The following TANC1 variants were observed in gnomAD, a reference collection of about 807,000 sequenced individuals.
TANC1 encodes tetratricopeptide repeat, ankyrin repeat and coiled-coil containing 1.
In TANC1, 77 loss-of-function variants were observed where a neutral mutation model predicts 149.7. That is an observed-to-expected ratio of 0.51 (90% confidence interval 0.43 to 0.62). The LOEUF (loss-of-function observed/expected upper bound fraction) is 0.62, where lower values mean the gene tolerates loss of function less well. Among genes scored for constraint, TANC1 ranks in the 20% least tolerant of loss-of-function variants. The pLI is 0.00. For synonymous variants in TANC1, 854 were observed against 925.0 expected (o/e 0.92, Z 1.39); for missense variants, 1,985 against 2,321.8 (o/e 0.85, Z 2.98).
intron 19 of TANC1, among the ~76,000 whole-genome samples, chr2:159,206,397 G>A (rs537913500): frequency 2.0e-5 from 3 of 152,162 alleles, no homozygotes; most frequent in South Asian, 2.1e-4. Flanking sequence ...GGTGGGTTCC[G>A]GAGACCACTC....
At chr2:158,974,949 A>G (rs1367984731) in intron 1 of TANC1, among the ~76,000 whole-genome samples, 4 of 109,644 alleles carry the variant, frequency 3.6e-5, no homozygotes, top group African/African-American at 1.5e-4. Flanking sequence ...GGGTCTTACT[A>G]TGAGACCAGA....
chr2:159,166,978 C>A (rs1220280163), intron 8 of TANC1, among the ~76,000 whole-genome samples: 1 of 152,162 alleles, frequency 6.6e-6, no homozygotes, highest in Non-Finnish European at 1.5e-5. Flanking sequence ...GAAAACAGGC[C>A]TGTGGAATCT....
At chr2:159,215,984 C>T (rs1187658177) in intron 19 of TANC1, among the ~76,000 whole-genome samples, 1 of 152,150 alleles carries the variant, frequency 6.6e-6, no homozygotes, top group African/African-American at 2.4e-5. Flanking sequence ...TTCTGGTACA[C>T]CTTGAGAGTG....
rs10602195 is a variant in TANC1, at chr2:158,981,491, TTATATATATATATATATATA to T, written c.-126+12742_-126+12761del. Among the ~76,000 whole-genome samples, 161 of 34,352 alleles carry T rather than the reference TTATATATATATATATATATA, an allele frequency of 4.7e-3. 5 individuals carry two copies. Among genetic ancestry groups the T allele is most frequent in the African/African-American group, 9.6e-3 (125 of 13,014 alleles). The allele number at this position is 34,352 out of a possible 152,430, so 22.5% of individuals were successfully genotyped here. On this transcript the variant is annotated intron_variant, in intron 1 of 26. Transcript: ENST00000263635. The stretch of plus-strand genomic sequence containing the variant: ...AAGTTTAGCAATTAATATATAGCTT[TTATATATATATATATATATA>T]TATATATATATATATATATATATAT...
At chr2:159,004,999 G>A (rs1040456194) in intron 2 of TANC1, among the ~76,000 whole-genome samples, 3 of 152,324 alleles carry the variant, frequency 2.0e-5, no homozygotes, top group African/African-American at 4.8e-5. Context: ...GCGATGGGCC[G>A]AAACAAAGGG....
intron 4 of TANC1, among the ~76,000 whole-genome samples, chr2:159,106,982 C>CT (rs2047246357): frequency 6.6e-6 from 1 of 152,060 alleles, no homozygotes; most frequent in Admixed American, 6.6e-5. Flanking sequence ...TGAGGATTGT[C>CT]TTTTTTACTT....
At chr2:158,987,470 G>C (rs572426605) in intron 1 of TANC1, among the ~76,000 whole-genome samples, 2 of 152,214 alleles carry the variant, frequency 1.3e-5, no homozygotes, top group East Asian at 3.9e-4. Context: ...CAAGGCTACA[G>C]TGAGCTATGA....
intron 2 of TANC1, chr2:159,004,441 A>G (rs536671222): frequency 1.3e-6 from 1 of 770,956 alleles, no homozygotes; most frequent in Non-Finnish European, 2.2e-6. Context: ...AATATTTTCT[A>G]TATTAATAAT....
chr2:159,055,620 A>C (rs974157011), intron 2 of TANC1, among the ~76,000 whole-genome samples: 6 of 152,174 alleles, frequency 3.9e-5, no homozygotes. Flanking sequence ...CAACTTCCTC[A>C]TTCATTTATT....
At chr2:159,140,322 C>T (rs959781083) in intron 5 of TANC1, among the ~76,000 whole-genome samples, 3 of 152,048 alleles carry the variant, frequency 2.0e-5, no homozygotes, top group Non-Finnish European at 4.4e-5. Flanking sequence ...CTTGATCCTG[C>T]TTTAATTTTC....
At chr2:159,010,806 A>C (rs893855909) in intron 2 of TANC1, among the ~76,000 whole-genome samples, 1 of 151,262 alleles carries the variant, frequency 6.6e-6, no homozygotes, top group Non-Finnish European at 1.5e-5. Flanking sequence ...ACTGGATCTT[A>C]ATTTCTTATC....
At chr2:159,178,181 G>A (rs1444358192) in intron 13 of TANC1, among the ~76,000 whole-genome samples, 1 of 152,236 alleles carries the variant, frequency 6.6e-6, no homozygotes, top group East Asian at 1.9e-4. Context: ...GTTGGTGTTT[G>A]TCCTTGTTAT....
intron 3 of TANC1, among the ~76,000 whole-genome samples, chr2:159,091,667 G>A (rs1236863612): frequency 2.0e-5 from 3 of 152,168 alleles, no homozygotes; most frequent in African/African-American, 7.2e-5. Context: ...GATCCCACTG[G>A]GTGGATTTTT....
intron 2 of TANC1, among the ~76,000 whole-genome samples, chr2:159,037,190 C>T (rs941417102): frequency 6.6e-6 from 1 of 152,068 alleles, no homozygotes; most frequent in South Asian, 2.1e-4. Context: ...TTTCCTTTGC[C>T]CACTTTTTGA....
chr2:159,119,834 T>C (rs1160276482), intron 4 of TANC1, among the ~76,000 whole-genome samples: 1 of 152,204 alleles, frequency 6.6e-6, no homozygotes, highest in Non-Finnish European at 1.5e-5. Context: ...AGATAATGGC[T>C]GAGCCCCCAA....
At chr2:159,186,858 A>T (rs1224830578) in intron 15 of TANC1, 44 bp from the exon 16 acceptor site, 1 of 1,613,168 alleles carries the variant, frequency 6.2e-7, no homozygotes, top group Non-Finnish European at 8.5e-7. Flanking sequence ...GCTCAGGCAG[A>T]TCTGTCTCTG....
chr2:159,205,594 A>AG (rs2058546561), intron 19 of TANC1, among the ~76,000 whole-genome samples: 2 of 152,384 alleles, frequency 1.3e-5, no homozygotes, highest in East Asian at 3.9e-4. Flanking sequence ...CAGGCTGTAC[A>AG]GCTTAGCAGT....
rs138236553 is a variant in TANC1 at position 159,073,775 on chromosome 2, T to C, written c.61+7804T>C. ...TTCCATGTTTTCTATTTGCACTTCC[T>C]AGAAGGGGAATTCTAAGGTTTTATT... On this transcript the variant is annotated intron_variant, in intron 3 of 26. Transcript: ENST00000263635. Among the ~76,000 whole-genome samples, 21 of 152,322 alleles carry C rather than the reference T, an allele frequency of 1.4e-4. No individual in the cohort carries two copies. The East Asian group carries it at 4.0e-3, about 29-fold the overall frequency.
intron 14 of TANC1, among the ~76,000 whole-genome samples, chr2:159,180,123 T>C (rs984311684): frequency 1.3e-5 from 2 of 152,206 alleles, no homozygotes; most frequent in African/African-American, 4.8e-5. Flanking sequence ...TGACTGAACA[T>C]CCACCTGATA....
Sources: gnomAD v4.1 joint callset for allele counts (sites outside exome capture counted in the v4.1 genomes callset) on GRCh38, gnomAD v4.1.1 for gene constraint, MANE v1.5 for transcripts, NCBI Gene and HGNC (gene_info 2026-07-23, HGNC 2026-07-21) for gene names.